KLHL29: variants seen among roughly 807,000 people sequenced by gnomAD.
KLHL29 encodes kelch-like protein 29.
A neutral mutation model predicts 80.4 loss-of-function variants in KLHL29; 21 were observed. The observed-to-expected ratio is 0.26, with a 90% CI of 0.19 to 0.38. KLHL29 has a LOEUF of 0.38. Ranked by LOEUF, KLHL29 falls within the 10% of genes least tolerant of loss-of-function variation. KLHL29 has a pLI of 1.00. For missense variants in KLHL29, 867 were observed against 1,223.9 expected (o/e 0.71, Z 4.35); for synonymous variants, 511 against 526.8 (o/e 0.97, Z 0.41).
chr2:23,440,938 G>T (rs1036437257), intron 1 of KLHL29, among the ~76,000 whole-genome samples: 1 of 152,092 alleles, frequency 6.6e-6, no homozygotes, highest in Non-Finnish European at 1.5e-5. Flanking sequence ...TCAGGGATCT[G>T]GAACTAGAAA....
chr2:23,629,080 C>T (rs893710143), intron 3 of KLHL29, among the ~76,000 whole-genome samples: 8 of 152,192 alleles, frequency 5.3e-5, no homozygotes, highest in African/African-American at 1.4e-4. Context: ...GGCAGGGCGG[C>T]GGGGCCTCTG....
At chr2:23,685,835 A>AG in intron 6 of KLHL29, among the ~76,000 whole-genome samples, 1 of 152,210 alleles carries the variant, frequency 6.6e-6, no homozygotes, top group East Asian at 1.9e-4. Context: ...CCTGGACAGC[A>AG]GGGGCCCGCA....
At chr2:23,663,906 G>A (rs1293459798) in intron 5 of KLHL29, among the ~76,000 whole-genome samples, 1 of 152,182 alleles carries the variant, frequency 6.6e-6, no homozygotes, top group Non-Finnish European at 1.5e-5. Flanking sequence ...ATGATCTATT[G>A]TGTTGCCAAA....
chr2:23,688,390 C>G (rs1305746358), intron 6 of KLHL29, among the ~76,000 whole-genome samples: 1 of 152,214 alleles, frequency 6.6e-6, no homozygotes, highest in Non-Finnish European at 1.5e-5. Context: ...AGACAGTGCC[C>G]AGTTCCAACT....
intron 3 of KLHL29, among the ~76,000 whole-genome samples, chr2:23,598,438 C>T (rs961001729): frequency 1.5e-4 from 23 of 152,010 alleles, no homozygotes; most frequent in African/African-American, 5.6e-4. Context: ...TGCATGTGCG[C>T]ACACTCACAT....
chr2:23,569,747 AG>A (rs1235522621), intron 3 of KLHL29, among the ~76,000 whole-genome samples: 1 of 152,344 alleles, frequency 6.6e-6, no homozygotes, highest in South Asian at 2.1e-4. Flanking sequence ...AAACATAAAA[AG>A]GAGAGCTTAA....
intron 1 of KLHL29, among the ~76,000 whole-genome samples, chr2:23,433,423 G>A (rs1294925341): frequency 2.0e-5 from 3 of 152,168 alleles, no homozygotes; most frequent in Non-Finnish European, 4.4e-5. Flanking sequence ...GTTGGGGGAG[G>A]AGGGGCAGGG....
intron 1 of KLHL29, among the ~76,000 whole-genome samples, chr2:23,416,987 C>T (rs1170308093): frequency 1.3e-5 from 2 of 152,184 alleles, no homozygotes; most frequent in Admixed American, 1.3e-4. Context: ...TTTTCCCAAC[C>T]CCAGCCCAAA....
chr2:23,570,680 G>A (rs953099934), intron 3 of KLHL29, among the ~76,000 whole-genome samples: 1 of 152,228 alleles, frequency 6.6e-6, no homozygotes, highest in South Asian at 2.1e-4. Context: ...CACACCTGAA[G>A]GGGTGGAGAC....
chr2:23,484,650 CT>C (rs1558355481), intron 2 of KLHL29, among the ~76,000 whole-genome samples: 1 of 152,184 alleles, frequency 6.6e-6, no homozygotes, highest in Non-Finnish European at 1.5e-5. Flanking sequence ...AGGAGGTGTC[CT>C]CCCTCTCCAT....
intron 3 of KLHL29, chr2:23,617,430 A>T (rs1669048674): frequency 6.6e-6 from 1 of 152,194 alleles, no homozygotes; most frequent in Admixed American, 6.5e-5. Context: ...TGTGATGGGG[A>T]AAAAAGGAAG....
intron 1 of KLHL29, among the ~76,000 whole-genome samples, chr2:23,421,544 G>A (rs371287181): frequency 3.4e-5 from 5 of 146,744 alleles, no homozygotes; most frequent in Admixed American, 1.4e-4. Context: ...GTGTGTGTGT[G>A]TGTGTGTGTG....
At chr2:23,699,152 C>A (rs1672194504) in intron 11 of KLHL29, among the ~76,000 whole-genome samples, 1 of 152,234 alleles carries the variant, frequency 6.6e-6, no homozygotes, top group South Asian at 2.1e-4. Context: ...GTCACATCAC[C>A]CTCGCTCAGA....
At chr2:23,424,659 C>T (rs754347290) in intron 1 of KLHL29, among the ~76,000 whole-genome samples, 1 of 152,040 alleles carries the variant, frequency 6.6e-6, no homozygotes, top group African/African-American at 2.4e-5. Context: ...TTTAGTACAT[C>T]AAATGAGAGG....
chr2:23,598,381 G>C (rs1053053479), intron 3 of KLHL29, among the ~76,000 whole-genome samples: 1 of 152,210 alleles, frequency 6.6e-6, no homozygotes, highest in Non-Finnish European at 1.5e-5. Context: ...TAACATCCTT[G>C]TGTTTGCCTC....
intron 2 of KLHL29, among the ~76,000 whole-genome samples, chr2:23,492,101 C>T (rs1028442603): frequency 6.6e-5 from 10 of 152,214 alleles, no homozygotes; most frequent in Admixed American, 6.5e-4. Flanking sequence ...ATGCAGATCA[C>T]ACGTCCAGCC....
intron 3 of KLHL29, among the ~76,000 whole-genome samples, chr2:23,565,835 C>T (rs1397686832): frequency 1.3e-5 from 2 of 152,178 alleles, no homozygotes; most frequent in African/African-American, 2.4e-5. Flanking sequence ...AGCAACTGTC[C>T]CTGAGGAAAG....
At chr2:23,527,702 C>T (rs1174385245) in intron 2 of KLHL29, among the ~76,000 whole-genome samples, 1 of 152,224 alleles carries the variant, frequency 6.6e-6, no homozygotes, top group Non-Finnish European at 1.5e-5. Context: ...AACAACCTCG[C>T]CACATGGGTT....
At chr2:23,565,684 G>A (rs563883707) in intron 3 of KLHL29, among the ~76,000 whole-genome samples, 2 of 152,150 alleles carry the variant, frequency 1.3e-5, no homozygotes, top group South Asian at 2.1e-4. Context: ...GTGGGTGGGC[G>A]AGGTTGGCCG....
Sources: allele counts gnomAD v4.1 joint callset (sites outside exome capture counted in the v4.1 genomes callset), GRCh38; gene constraint gnomAD v4.1.1; transcripts MANE v1.5; gene names NCBI Gene and HGNC (gene_info 2026-07-23, HGNC 2026-07-21).